The following FAAH2 variants were observed in gnomAD, a reference collection of about 807,000 sequenced individuals.
FAAH2 encodes fatty acid amide hydrolase 2, also known as fatty-acid amide hydrolase 2.
In FAAH2, 60 loss-of-function variants were observed where a neutral mutation model predicts 36.9. The observed-to-expected ratio is 1.63, with a 90% CI of 1.32 to 2.02. FAAH2 has a LOEUF of 2.02. Among genes scored for constraint, FAAH2 ranks in the 30% most tolerant of loss-of-function variants. The pLI, the probability that FAAH2 is intolerant of heterozygous loss-of-function variation, is 0.00. For synonymous variants in FAAH2, 214 were observed against 143.8 expected (o/e 1.49, Z -3.49); for missense variants, 689 against 397.5 (o/e 1.73, Z -6.23).
chrX:57,133,446 A>C, the FAAH2 span, among the ~76,000 whole-genome samples: 2 of 111,604 alleles, frequency 1.8e-5, no homozygotes, highest in Admixed American at 9.5e-5. Flanking sequence ...TACAAGTGCA[A>C]ACGCTTCCAG....
the FAAH2 span, among the ~76,000 whole-genome samples, chrX:57,156,441 A>C: frequency 7.2e-5 from 8 of 111,709 alleles, no homozygotes. Flanking sequence ...ATGCTTGTGG[A>C]TATTCTTCAG....
At chrX:57,291,282 C>A (rs1286720158) in intron 1 of FAAH2, among the ~76,000 whole-genome samples, 1 of 111,946 alleles carries the variant, frequency 8.9e-6, no homozygotes, top group Non-Finnish European at 1.9e-5. Context: ...TATTTGCCAG[C>A]TTTATTAAAA....
chrX:57,403,182 A>T (rs2055481295), intron 7 of FAAH2, among the ~76,000 whole-genome samples: 1 of 111,937 alleles, frequency 8.9e-6, no homozygotes, highest in Non-Finnish European at 1.9e-5. Flanking sequence ...CTTGGGGGGA[A>T]GTTTCCCATC....
chrX:57,420,324 T>C (rs1442303997), intron 7 of FAAH2, among the ~76,000 whole-genome samples: 1 of 112,034 alleles, frequency 8.9e-6, no homozygotes, highest in African/African-American at 3.2e-5. Flanking sequence ...ATGGCCATTT[T>C]CATGATATTG....
intron 6 of FAAH2, among the ~76,000 whole-genome samples, chrX:57,379,564 C>A (rs952180260): frequency 1.1e-4 from 12 of 108,990 alleles, no homozygotes; most frequent in Admixed American, 2.0e-4. Flanking sequence ...CACACACACA[C>A]ACACGTGTGC....
chrX:57,224,401 G>A, the FAAH2 span, among the ~76,000 whole-genome samples: 2 of 111,457 alleles, frequency 1.8e-5, no homozygotes, highest in South Asian at 7.6e-4. Flanking sequence ...TAATTATTGA[G>A]TAAGTGGTCC....
intron 10 of FAAH2, chrX:57,452,033 T>A: frequency 4.0e-6 from 1 of 250,628 alleles, no homozygotes; most frequent in Non-Finnish European, 5.6e-6. Flanking sequence ...AACACCTATA[T>A]GTCATAATAA....
At chrX:57,224,592 G>A in the FAAH2 span, among the ~76,000 whole-genome samples, 2 of 111,903 alleles carry the variant, frequency 1.8e-5, no homozygotes, top group South Asian at 3.8e-4. Context: ...AAAAGGGCCG[G>A]CCAGAAGACA....
chrX:57,345,520 T>A (rs1002001665), intron 5 of FAAH2, among the ~76,000 whole-genome samples: 1 of 111,218 alleles, frequency 9.0e-6, no homozygotes, highest in Non-Finnish European at 1.9e-5. Flanking sequence ...ATTTGGACTT[T>A]TTTTTTCTTT....
the FAAH2 span, among the ~76,000 whole-genome samples, chrX:57,147,013 G>A: frequency 1.8e-5 from 2 of 111,097 alleles, no homozygotes; most frequent in East Asian, 5.6e-4. Flanking sequence ...CAGGGATATT[G>A]GTCTGTAGTT....
chrX:57,263,776 A>G, the FAAH2 span, among the ~76,000 whole-genome samples: 1 of 111,665 alleles, frequency 9.0e-6, no homozygotes, highest in East Asian at 2.8e-4. Flanking sequence ...AACATGAAGA[A>G]TCTTTCTACC....
At chrX:57,452,510 T>C (rs1450134263) in intron 10 of FAAH2, 1 of 155,773 alleles carries the variant, frequency 6.4e-6, no homozygotes, top group Non-Finnish European at 1.1e-5. Context: ...GCAAAGATTC[T>C]ACTTAACAAA....
At chrX:57,192,168 G>A in the FAAH2 span, among the ~76,000 whole-genome samples, 3 of 111,132 alleles carry the variant, frequency 2.7e-5, no homozygotes, top group East Asian at 8.5e-4. Flanking sequence ...AGTTTGCATT[G>A]TAGAAGCCTT....
intron 2 of FAAH2, among the ~76,000 whole-genome samples, chrX:57,296,513 C>G (rs769040671): frequency 9.0e-6 from 1 of 111,343 alleles, no homozygotes; most frequent in East Asian, 2.8e-4. Context: ...AAAAACAGAG[C>G]GGAAAAACCA....
the FAAH2 span, among the ~76,000 whole-genome samples, chrX:57,232,362 C>A: frequency 4.5e-5 from 5 of 111,998 alleles, no homozygotes; most frequent in Non-Finnish European, 9.4e-5. Context: ...CAGCCAAGTT[C>A]TCTAAGATTG....
At chrX:57,409,221 G>A (rs754629519) in intron 7 of FAAH2, among the ~76,000 whole-genome samples, 7 of 111,596 alleles carry the variant, frequency 6.3e-5, no homozygotes, top group Non-Finnish European at 9.4e-5. Flanking sequence ...GCACATTGTT[G>A]TATTAAAACA....
At chrX:57,186,705 T>G in the FAAH2 span, among the ~76,000 whole-genome samples, 1 of 112,284 alleles carries the variant, frequency 8.9e-6, no homozygotes, top group Non-Finnish European at 1.9e-5. Context: ...GGTTTCACAT[T>G]TAAGTCTTTA....
chrX:57,441,907 G>A (rs1300895558), intron 8 of FAAH2, among the ~76,000 whole-genome samples: 7 of 111,207 alleles, frequency 6.3e-5, no homozygotes, highest in Admixed American at 9.6e-5. Flanking sequence ...GTTTCCATAT[G>A]GTAGAGCTGT....
chrX:57,378,698 G>A lies in FAAH2; in HGVS notation c.790G>A (p.Glu264Lys), dbSNP rs778728366. ...GTTTCCCTTGGCTGTGGGAGCCCAG[G>A]AGTTGTTTCTGTGCACTGGTCCTAT... is the stretch of plus-strand genomic sequence containing the variant. Reference protein sequence around the residue: ...GQFPLAVGAQELFLCTGPMCR... With the variant: ...GQFPLAVGAQKLFLCTGPMCR... The change falls in exon 6 of 11, where the codon GAG (glutamate) becomes AAG (lysine). Residue 264 changes from glutamate to lysine, a missense_variant. Transcript: ENST00000374900. The A allele has an allele frequency of 8.3e-7, 1 of 1,211,230 alleles. No individual in the cohort carries two copies. The highest frequency in any genetic ancestry group is 1.7e-5 in the African/African-American group (1 of 57,780).
Sources: gnomAD v4.1 joint callset for allele counts (sites outside exome capture counted in the v4.1 genomes callset) on GRCh38, gnomAD v4.1.1 for gene constraint, MANE v1.5 for transcripts, NCBI Gene and HGNC (gene_info 2026-07-23, HGNC 2026-07-21) for gene names.